SOX5: variants seen among roughly 807,000 people sequenced by gnomAD.
SOX5 encodes SRY-box transcription factor 5.
Under a neutral mutation model 92.0 loss-of-function variants are expected in SOX5, and 9 were observed. The observed-to-expected ratio is 0.10, with a 90% CI of 0.06 to 0.17. The LOEUF is 0.17. Among genes scored for constraint, SOX5 ranks in the 10% least tolerant of loss-of-function variants. The probability of loss-of-function intolerance (pLI) is 1.00; values close to 1 mark genes in which losing one functional copy is unlikely to be tolerated. For missense variants in SOX5, 642 were observed against 944.5 expected, an observed-to-expected ratio of 0.68 and a Z score of 4.20; for synonymous variants, 344 against 336.3, an observed-to-expected ratio of 1.02 and a Z score of -0.25.
At chr12:24,065,660 A>C (rs767214943) in intron 4 of SOX5, among the ~76,000 whole-genome samples, 1 of 108,824 alleles carries the variant, frequency 9.2e-6, no homozygotes, top group African/African-American at 2.7e-5. Flanking sequence ...AAAAAAAAAA[A>C]AAAAAAGAAA....
At chr12:24,194,896 T>C (rs559783276) in intron 4 of SOX5, among the ~76,000 whole-genome samples, 5 of 152,308 alleles carry the variant, frequency 3.3e-5, no homozygotes, top group African/African-American at 1.2e-4. Flanking sequence ...GATTAATCAA[T>C]ACAATTATCT....
intron 3 of SOX5, among the ~76,000 whole-genome samples, chr12:23,758,960 A>G (rs2094485775): frequency 2.0e-5 from 3 of 151,112 alleles, no homozygotes. Flanking sequence ...AAATAAATTT[A>G]TTTTCTTTAT....
chr12:24,535,937 G>T (rs561719831), intron 1 of SOX5, among the ~76,000 whole-genome samples: 33 of 148,168 alleles, frequency 2.2e-4, no homozygotes, highest in Non-Finnish European at 4.6e-4. Flanking sequence ...GCCACCAAAA[G>T]AATCACAGAA....
At chr12:23,971,530 A>AATATATATAT (rs139288287) in intron 4 of SOX5, among the ~76,000 whole-genome samples, 6 of 146,914 alleles carry the variant, frequency 4.1e-5, no homozygotes, top group Admixed American at 1.4e-4. Flanking sequence ...TCCACTTCAG[A>AATATATATAT]ATATATATAT....
chr12:23,565,450 T>C (rs1946906559), intron 10 of SOX5, among the ~76,000 whole-genome samples: 1 of 152,236 alleles, frequency 6.6e-6, no homozygotes, highest in Non-Finnish European at 1.5e-5. Flanking sequence ...TCTATTTAGC[T>C]TCTATGTAGT....
chr12:23,685,219 T>A (rs533446763), intron 6 of SOX5, among the ~76,000 whole-genome samples: 2 of 152,258 alleles, frequency 1.3e-5, no homozygotes, highest in Non-Finnish European at 2.9e-5. Context: ...CTACTCCCTT[T>A]CTTTGTTTTC....
intron 1 of SOX5, among the ~76,000 whole-genome samples, chr12:24,498,537 T>C (rs958681626): frequency 1.5e-4 from 23 of 152,168 alleles, no homozygotes; most frequent in African/African-American, 5.6e-4. Context: ...TTCTAAATAC[T>C]TATAACAATA....
intron 1 of SOX5, among the ~76,000 whole-genome samples, chr12:24,506,784 C>CTTTGTTTTTTT (rs1948798117): frequency 1.2e-5 from 1 of 81,760 alleles, no homozygotes; most frequent in Non-Finnish European, 2.2e-5. Context: ...TCCAAATGGT[C>CTTTGTTTTTTT]TTTTTTTTTT....
At chr12:23,556,189 A>G (rs1945143185) in intron 11 of SOX5, among the ~76,000 whole-genome samples, 1 of 152,200 alleles carries the variant, frequency 6.6e-6, no homozygotes, top group South Asian at 2.1e-4. Context: ...AAACAAAAGA[A>G]AAGAAAACCT....
At chr12:24,472,006 GT>G (rs1480201196) in intron 1 of SOX5, among the ~76,000 whole-genome samples, 6 of 152,274 alleles carry the variant, frequency 3.9e-5, no homozygotes, top group African/African-American at 1.4e-4. Context: ...ACTCAATTTA[GT>G]GCAACTACAA....
chr12:24,460,472 G>A (rs138005170), intron 1 of SOX5: 6 of 152,310 alleles, frequency 3.9e-5, no homozygotes, highest in East Asian at 1.9e-4. Flanking sequence ...ACTACTAAAC[G>A]ACAGAGATGC....
rs538125098 is a variant in SOX5 at position 23,992,441 on chromosome 12, A to G, written c.-1-96417T>C. On this transcript the variant is annotated intron_variant, in intron 4 of 4. Coordinates refer to the SOX5 transcript ENST00000446891. ...CAAACTATTAAAAAGACAAGGTTTC[A>G]TACATAATTTGCAAAGTAGCCATTA... Among the ~76,000 whole-genome samples, 45 of 152,312 alleles carry G rather than the reference A, an allele frequency of 3.0e-4. 1 individual carries two copies. In the South Asian group the frequency reaches 8.5e-3, roughly 29 times the overall value.
intron 4 of SOX5, among the ~76,000 whole-genome samples, chr12:24,212,765 G>A (rs1958769000): frequency 6.6e-6 from 1 of 152,142 alleles, no homozygotes; most frequent in African/African-American, 2.4e-5. Flanking sequence ...TGACTATTGA[G>A]ATCTTTTATT....
chr12:24,019,155 T>C (rs1004295979), intron 4 of SOX5, among the ~76,000 whole-genome samples: 63 of 152,052 alleles, frequency 4.1e-4, no homozygotes, highest in African/African-American at 1.5e-3. Flanking sequence ...AAAAAAAATG[T>C]TGTACAGATG....
At chr12:24,385,363 C>A (rs1020085657) in intron 1 of SOX5, among the ~76,000 whole-genome samples, 2 of 152,158 alleles carry the variant, frequency 1.3e-5, no homozygotes, top group Non-Finnish European at 2.9e-5. Flanking sequence ...TTTCTGAGTA[C>A]ATTTAAGGTA....
intron 4 of SOX5, among the ~76,000 whole-genome samples, chr12:24,124,090 A>G (rs1228828313): frequency 6.6e-6 from 1 of 152,194 alleles, no homozygotes; most frequent in Non-Finnish European, 1.5e-5. Flanking sequence ...TAAATACAAT[A>G]TGCTATTTTT....
At chr12:23,534,553 C>T (rs766104077) in intron 14 of SOX5, 31 bp from the exon 15 acceptor site, 27 of 1,574,048 alleles carry the variant, frequency 1.7e-5, no homozygotes, top group Middle Eastern at 1.7e-4. Context: ...AAAAAGACAT[C>T]GTGGGTAAGT....
intron 3 of SOX5, among the ~76,000 whole-genome samples, chr12:23,805,248 C>T (rs2095749093): frequency 6.6e-6 from 1 of 151,434 alleles, no homozygotes; most frequent in South Asian, 2.1e-4. Context: ...TTTTACTAAC[C>T]TTGTAAATGG....
At chr12:24,099,308 A>C (rs1434127962) in intron 4 of SOX5, among the ~76,000 whole-genome samples, 1 of 152,116 alleles carries the variant, frequency 6.6e-6, no homozygotes, top group Non-Finnish European at 1.5e-5. Context: ...TTGAGATAGA[A>C]ACTTGCATGC....
Sources: allele counts gnomAD v4.1 joint callset (sites outside exome capture counted in the v4.1 genomes callset), GRCh38; gene constraint gnomAD v4.1.1; transcripts MANE v1.5; gene names NCBI Gene and HGNC (gene_info 2026-07-23, HGNC 2026-07-21).